FLYWCH2: variants seen among roughly 807,000 people sequenced by gnomAD.
The protein encoded by FLYWCH2 is FLYWCH family member 2.
In FLYWCH2, 2 loss-of-function variants were observed where a neutral mutation model predicts 6.0. The observed-to-expected ratio is 0.33, with a 90% CI of 0.14 to 1.04. The LOEUF is 1.04. FLYWCH2 is among the 50% of genes least tolerant of loss of function. The probability of loss-of-function intolerance (pLI) is 0.45; values close to 1 mark genes in which losing one functional copy is unlikely to be tolerated. For missense variants in FLYWCH2, 192 were observed against 183.4 expected (o/e 1.05, Z -0.27); for synonymous variants, 87 against 79.3 (o/e 1.10, Z -0.52).
At chr16:2,887,250 A>T (rs776353244) in intron 1 of FLYWCH2, among the ~76,000 whole-genome samples, 6 of 151,324 alleles carry the variant, frequency 4.0e-5, no homozygotes, top group Non-Finnish European at 8.8e-5. Flanking sequence ...GGCTTAAGCA[A>T]TCCTTCCACC....
At chr16:2,894,827 C>G (rs1439161537) in intron 1 of FLYWCH2, among the ~76,000 whole-genome samples, 4 of 152,194 alleles carry the variant, frequency 2.6e-5, no homozygotes. Context: ...TTAGGCCCCT[C>G]TCATGGACAA....
rs1334424118 is a variant in FLYWCH2 at position 2,893,686 on chromosome 16, G to C, written c.-199-1534G>C. 2.1e-5 allele frequency among the ~76,000 whole-genome samples: 3 copies of C among 142,394 alleles called. No homozygotes were observed. The East Asian group carries it at 6.2e-4, about 29-fold the overall frequency. The allele number at this position is 142,394 out of a possible 152,430, so 93.4% of individuals were successfully genotyped here. On this transcript the variant is annotated intron_variant, in intron 1 of 3. Coordinates refer to ENST00000396958, the MANE Select transcript of FLYWCH2 (RefSeq NM_138439.3). Reference sequence around the variant, plus strand: ...GGATTCTCGCTCTGTCGCCCAGGCTGGAGTGCAGTGGCACGATCTCGGCTC... The same window carrying C: ...GGATTCTCGCTCTGTCGCCCAGGCTCGAGTGCAGTGGCACGATCTCGGCTC...
chr16:2,890,597 G>A (rs141803936), intron 1 of FLYWCH2, among the ~76,000 whole-genome samples: 5 of 128,636 alleles, frequency 3.9e-5, no homozygotes, highest in African/African-American at 1.6e-4. Context: ...TTTTTTTTTT[G>A]TATTTTTAGT....
chr16:2,888,673 T>C (rs1457719728), intron 1 of FLYWCH2, among the ~76,000 whole-genome samples: 1 of 152,102 alleles, frequency 6.6e-6, no homozygotes. Flanking sequence ...CAGTAGGTGC[T>C]CCAGTCCTGT....
intron 1 of FLYWCH2, among the ~76,000 whole-genome samples, chr16:2,890,491 C>T (rs376747787): frequency 6.6e-6 from 1 of 151,652 alleles, no homozygotes; most frequent in Admixed American, 6.6e-5. Context: ...CTTGGCTCAC[C>T]GCAATCTCCA....
chr16:2,892,686 A>C (rs1329349640), intron 1 of FLYWCH2, among the ~76,000 whole-genome samples: 1 of 151,714 alleles, frequency 6.6e-6, no homozygotes, highest in African/African-American at 2.4e-5. Flanking sequence ...TCTACTAAAA[A>C]TATAAAAATT....
intron 1 of FLYWCH2, among the ~76,000 whole-genome samples, chr16:2,893,706 C>T (rs890256420): frequency 1.4e-5 from 2 of 146,014 alleles, no homozygotes; most frequent in African/African-American, 5.1e-5. Flanking sequence ...GGCACGATCT[C>T]GGCTCACTGC....
At chr16:2,891,876 T>C (rs2069762008) in intron 1 of FLYWCH2, among the ~76,000 whole-genome samples, 1 of 151,958 alleles carries the variant, frequency 6.6e-6, no homozygotes, top group Non-Finnish European at 1.5e-5. Flanking sequence ...GTTAAATCAT[T>C]TCCTAGAGTG....
At chr16:2,898,913 CTCAG>C (rs1476253719) in intron 3 of FLYWCH2, 132 bp from the exon 4 acceptor site, 19 of 590,356 alleles carry the variant, frequency 3.2e-5, no homozygotes, top group Non-Finnish European at 4.8e-5. Flanking sequence ...GCAGTCACTT[CTCAG>C]TCAGGCAGAG....
chr16:2,898,131 AGCC>A (rs1161858734), intron 3 of FLYWCH2, among the ~76,000 whole-genome samples: 8 of 152,180 alleles, frequency 5.3e-5, no homozygotes, highest in African/African-American at 1.9e-4. Flanking sequence ...AGAGGGTCAC[AGCC>A]CCACAGCCTC....
chr16:2,885,693 C>T (rs992265854), intron 1 of FLYWCH2, among the ~76,000 whole-genome samples: 4 of 152,194 alleles, frequency 2.6e-5, no homozygotes, highest in Admixed American at 1.3e-4. Context: ...TATACATGCA[C>T]CACATTGTAC....
intron 1 of FLYWCH2, among the ~76,000 whole-genome samples, chr16:2,885,050 C>T (rs994020826): frequency 5.3e-5 from 8 of 151,922 alleles, no homozygotes; most frequent in Admixed American, 2.0e-4. Context: ...CGGCCGGGCG[C>T]GGTGGCTCAC....
At chr16:2,897,824 T>C (rs1052715713) in intron 3 of FLYWCH2, among the ~76,000 whole-genome samples, 1 of 152,102 alleles carries the variant, frequency 6.6e-6, no homozygotes, top group African/African-American at 2.4e-5. Context: ...GAACTGGAAG[T>C]TCCAGGGAGA....
At position 2,896,789 on chromosome 16, in the gene FLYWCH2, C is replaced by T. The variant is rs2069826973; in HGVS notation, c.322+18C>T. 1.2e-6 allele frequency: 2 copies of T among 1,600,830 alleles called. No individual in the cohort carries two copies. Among genetic ancestry groups the T allele is most frequent in the Non-Finnish European group, 8.5e-7 (1 of 1,177,010 alleles). On this transcript the variant is annotated intron_variant, in intron 3 of 3. Coordinates refer to ENST00000396958, the MANE Select transcript of FLYWCH2 (RefSeq NM_138439.3). ...GGACCCAGGTGAGGCTCCACAGCGG[C>T]CCCCCAGGACAGCTCGGCACCTCCC...
intron 1 of FLYWCH2, among the ~76,000 whole-genome samples, chr16:2,884,558 TAAAA>T (rs1317315836): frequency 1.0e-4 from 4 of 39,286 alleles, no homozygotes; most frequent in South Asian, 7.8e-4. Flanking sequence ...CCGTCTCTAC[TAAAA>T]AAAAAAAAAA....
At chr16:2,893,782 C>T (rs928885441) in intron 1 of FLYWCH2, among the ~76,000 whole-genome samples, 2 of 151,864 alleles carry the variant, frequency 1.3e-5, no homozygotes, top group Admixed American at 6.6e-5. Context: ...GGATTACGGG[C>T]GCCCGCCACC....
In FLYWCH2 at chr16:2,890,393, G is replaced by C. The variant is rs1481154373; in HGVS notation, c.-199-4827G>C. Among the ~76,000 whole-genome samples the C allele has an allele frequency of 1.2e-4, 18 of 147,732 alleles. No homozygotes were observed. In the Admixed American group the frequency reaches 1.2e-3, roughly 10 times the overall value. Reference sequence around the variant, plus strand: ...CCTCCTGAGTAGCTGGGATTACTAGGTGCACAGCACCATGCCTGACTAATT... The same window carrying C: ...CCTCCTGAGTAGCTGGGATTACTAGCTGCACAGCACCATGCCTGACTAATT... On this transcript the variant is annotated intron_variant, in intron 1 of 3. Coordinates refer to ENST00000396958, the MANE Select transcript of FLYWCH2 (RefSeq NM_138439.3).
chr16:2,890,238 T>TTG (rs2069741169), intron 1 of FLYWCH2, among the ~76,000 whole-genome samples: 2 of 128,182 alleles, frequency 1.6e-5, no homozygotes, highest in Admixed American at 8.1e-5. Context: ...GTTTTTTTTT[T>TTG]TTTGTTTTTG....
chr16:2,886,285 G>C (rs1419410310), intron 1 of FLYWCH2, among the ~76,000 whole-genome samples: 1 of 151,978 alleles, frequency 6.6e-6, no homozygotes. Flanking sequence ...CCACCTCCCG[G>C]GTTCAAGCAA....
Sources: allele counts gnomAD v4.1 joint callset (sites outside exome capture counted in the v4.1 genomes callset), GRCh38; gene constraint gnomAD v4.1.1; transcripts MANE v1.5; gene names NCBI Gene and HGNC (gene_info 2026-07-23, HGNC 2026-07-21).